The following TAF3 variants were observed in gnomAD, a reference collection of about 807,000 sequenced individuals.
The protein encoded by TAF3 is TATA-box binding protein associated factor 3.
TAF3 carries 7 observed loss-of-function variants against 80.6 expected under a neutral mutation model. That is an observed-to-expected ratio of 0.09 (90% CI 0.05 to 0.16). The LOEUF is 0.16. Ranked by LOEUF, TAF3 falls within the 10% of genes least tolerant of loss-of-function variation. The probability of loss-of-function intolerance (pLI) is 1.00; values close to 1 mark genes in which losing one functional copy is unlikely to be tolerated. For missense variants in TAF3, 921 were observed against 1,140.2 expected (o/e 0.81, Z 2.77); for synonymous variants, 444 against 446.1 (o/e 1.00, Z 0.06).
intron 2 of TAF3, among the ~76,000 whole-genome samples, chr10:7,866,339 G>T (rs183848294): frequency 2.8e-4 from 43 of 152,318 alleles, no homozygotes; most frequent in African/African-American, 8.7e-4. Flanking sequence ...AGATGAGGCT[G>T]AGTGCAATGC....
chr10:7,958,043 AT>A (rs1289481473), intron 2 of TAF3, among the ~76,000 whole-genome samples: 2 of 152,186 alleles, frequency 1.3e-5, no homozygotes, highest in Admixed American at 6.5e-5. Flanking sequence ...TTTGTAGGAT[AT>A]TTTACAGATT....
intron 2 of TAF3, among the ~76,000 whole-genome samples, chr10:7,956,381 G>A (rs1588565326): frequency 6.6e-6 from 1 of 152,078 alleles, no homozygotes; most frequent in South Asian, 2.1e-4. Context: ...CAGCTACTCG[G>A]GAGGCTGAGG....
intron 4 of TAF3, among the ~76,000 whole-genome samples, chr10:7,983,452 T>C (rs1475110109): frequency 6.6e-6 from 1 of 152,204 alleles, no homozygotes; most frequent in Non-Finnish European, 1.5e-5. Context: ...AAAAGGATAC[T>C]TTAGATGTAA....
intron 2 of TAF3, among the ~76,000 whole-genome samples, chr10:7,897,676 C>CTT (rs1210378117): frequency 5.5e-4 from 78 of 140,606 alleles, no homozygotes; most frequent in Middle Eastern, 3.6e-3. Context: ...TTCTTTCTTT[C>CTT]TTTTTTTTTT....
At chr10:7,922,786 A>G (rs933314015) in intron 2 of TAF3, among the ~76,000 whole-genome samples, 3 of 152,112 alleles carry the variant, frequency 2.0e-5, no homozygotes, top group Admixed American at 6.5e-5. Flanking sequence ...TTAGAATACA[A>G]TGCTACTTCT....
intron 2 of TAF3, among the ~76,000 whole-genome samples, chr10:7,947,659 T>A (rs983218255): frequency 6.6e-6 from 1 of 151,812 alleles, no homozygotes; most frequent in Non-Finnish European, 1.5e-5. Flanking sequence ...GCTTGGTGAG[T>A]TTGAGAAGCA....
Position 7,964,205 on chromosome 10 carries a change from A to C in TAF3, c.695A>C (p.His232Pro). The C allele has an allele frequency of 6.2e-7, 1 of 1,614,190 alleles. No homozygotes were observed. Among genetic ancestry groups the C allele is most frequent in the Non-Finnish European group, 8.5e-7 (1 of 1,180,038 alleles). ...QKIPPMLSPV[H>P]VQDSTDLAPP... The stretch of plus-strand genomic sequence containing the variant: ...ATCCCACCAATGCTTTCTCCAGTCC[A>C]TGTACAGGACAGTACAGACTTGGCA... The change falls in exon 3 of 7, where the codon CAT becomes CCT. Residue 232 changes from histidine (H) to proline (P), a missense_variant. By Grantham distance (77) the His-to-Pro change is moderately conservative. This residue lies in a region of TAF3 where 743 missense variants were observed against 821.0 expected (regional missense o/e 0.90). Coordinates refer to ENST00000344293, the MANE Select transcript of TAF3 (RefSeq NM_031923.4). This position sits in a 1 kb window ranked among gnomAD's most constrained non-coding sequence, Gnocchi z 4.1.
chr10:7,900,836 A>G (rs560805552), intron 2 of TAF3, among the ~76,000 whole-genome samples: 16 of 152,318 alleles, frequency 1.1e-4, no homozygotes, highest in South Asian at 4.1e-4. Context: ...TTAGAAGCAC[A>G]TGGATTTTCT....
intron 2 of TAF3, among the ~76,000 whole-genome samples, chr10:7,919,920 A>C (rs1317842989): frequency 6.6e-6 from 1 of 151,956 alleles, no homozygotes; most frequent in Non-Finnish European, 1.5e-5. Context: ...TTCTGTAATG[A>C]GTTTTTCATT....
chr10:7,964,933 C>T lies in TAF3; in HGVS notation c.1423C>T (p.Arg475Cys), dbSNP rs1198170174. Residue 475 changes from arginine to cysteine, a missense_variant, in exon 3 of 7, where the codon CGT (arginine) becomes TGT (cysteine). By Grantham distance (180) the Arg-to-Cys change is radical. Transcript: ENST00000344293. The surrounding 1 kb of genome is among the most constrained non-coding windows in gnomAD (Gnocchi z 4.1). ...GGATGCCTCCATTGATGAGGTTGTA[C>T]GTAAAGCAAAACTGGGAACACCTTC... The part of the protein sequence containing the change: ...TMDASIDEVV[R>C]KAKLGTPSNM... 4.3e-6 allele frequency: 7 copies of T among 1,613,954 alleles called. No individual in the cohort carries two copies. Among genetic ancestry groups the T allele is most frequent in the Admixed American group, 1.7e-5 (1 of 59,992 alleles).
chr10:7,896,525 C>T (rs1339571709), intron 2 of TAF3, among the ~76,000 whole-genome samples: 3 of 152,158 alleles, frequency 2.0e-5, no homozygotes, highest in Non-Finnish European at 4.4e-5. Flanking sequence ...TGCCATAGCC[C>T]CACACAGCGT....
chr10:7,913,055 G>A (rs1434451550), intron 2 of TAF3, among the ~76,000 whole-genome samples: 10 of 152,128 alleles, frequency 6.6e-5, no homozygotes, highest in African/African-American at 2.4e-4. Flanking sequence ...GCAGGTGGGC[G>A]CCTCACGCAA....
At chr10:7,942,802 A>ATT (rs1320484206) in intron 2 of TAF3, among the ~76,000 whole-genome samples, 2 of 151,974 alleles carry the variant, frequency 1.3e-5, no homozygotes, top group African/African-American at 4.8e-5. Flanking sequence ...AGTTAAAAAA[A>ATT]TTTTTTTTTG....
chr10:7,823,002 A>G (rs1836704546), intron 1 of TAF3, among the ~76,000 whole-genome samples: 1 of 152,118 alleles, frequency 6.6e-6, no homozygotes, highest in Non-Finnish European at 1.5e-5. Context: ...AGTCCCAGCT[A>G]CTCAGAAGGT....
chr10:7,863,696 T>TATATATACAC lies in TAF3; in HGVS notation c.409+39143_409+39144insCACATATATA, dbSNP rs1564350910. ...ACATATATATATATACACACACATA[T>TATATATACAC]ATATATATACACATATATATATACA... is the stretch of plus-strand genomic sequence containing the variant. On this transcript the variant is annotated intron_variant, in intron 2 of 6. Coordinates refer to ENST00000344293, the MANE Select transcript of TAF3 (RefSeq NM_031923.4). Among the ~76,000 whole-genome samples the TATATATACAC allele has an allele frequency of 7.2e-5, 6 of 83,536 alleles. 3 individuals are homozygous for TATATATACAC. The highest frequency in any genetic ancestry group is 2.5e-4 in the African/African-American group (6 of 23,894). 54.8% of individuals were successfully genotyped at this position (83,536 alleles called of 152,430 possible). A position where few individuals can be genotyped will look rare whatever the true frequency, so the allele number is the denominator to read the frequency against.
intron 2 of TAF3, among the ~76,000 whole-genome samples, chr10:7,961,339 AT>A (rs748456956): frequency 1.3e-5 from 2 of 152,078 alleles, no homozygotes; most frequent in Admixed American, 6.5e-5. Context: ...GTTCTTTATG[AT>A]TTACTAAGTA....
intron 2 of TAF3, among the ~76,000 whole-genome samples, chr10:7,950,762 TG>T (rs1219750325): frequency 6.6e-6 from 1 of 152,222 alleles, no homozygotes; most frequent in African/African-American, 2.4e-5. Context: ...CTGCCTTTGG[TG>T]TCAGCTCTCG....
At chr10:7,985,908 C>T (rs1380986022) in intron 4 of TAF3, among the ~76,000 whole-genome samples, 8 of 151,786 alleles carry the variant, frequency 5.3e-5, no homozygotes, top group Non-Finnish European at 1.0e-4. Context: ...CTTGGCCTCC[C>T]GAGTAGCTGG....
Position 7,965,137 on chromosome 10 carries a change from G to C in TAF3, c.1627G>C (p.Glu543Gln), listed in dbSNP as rs1831556259. 8 of 1,612,376 alleles carry C rather than the reference G, an allele frequency of 5.0e-6. No homozygotes were observed. The highest frequency in any genetic ancestry group is 6.8e-6 in the Non-Finnish European group (8 of 1,179,510). ...AAAGAAAGAAAAGCAGAGAGATAGG[G>C]AGAGGGAAAAAGACAAGAACAAGGA... ...MKKKEKQRDREREKDKNKDKS... is the reference protein window; with the variant it reads ...MKKKEKQRDRQREKDKNKDKS... The change falls in exon 3 of 7, where the codon GAG becomes CAG. Residue 543 changes from glutamate (E) to glutamine (Q), a missense_variant. This residue lies in a region of TAF3 where 743 missense variants were observed against 821.0 expected (regional missense o/e 0.90). Coordinates refer to ENST00000344293, the MANE Select transcript of TAF3 (RefSeq NM_031923.4).
Sources: allele counts gnomAD v4.1 joint callset (sites outside exome capture counted in the v4.1 genomes callset), GRCh38; gene constraint gnomAD v4.1.1; regional missense constraint gnomAD v4.1.1; non-coding constraint Gnocchi (gnomAD v3.1); transcripts MANE v1.5; gene names NCBI Gene and HGNC (gene_info 2026-07-23, HGNC 2026-07-21).